Variants in UTS2B observed in about 807,000 individuals in gnomAD.
UTS2B encodes urotensin-2B.
UTS2B carries 21 observed loss-of-function variants against 19.2 expected under a neutral mutation model. That is an observed-to-expected ratio of 1.09 (90% CI 0.78 to 1.58). The LOEUF is 1.58. UTS2B is among the 40% of genes most tolerant of loss of function. The pLI, the probability that UTS2B is intolerant of heterozygous loss-of-function variation, is 0.00. For synonymous variants in UTS2B, 57 were observed against 50.2 expected (o/e 1.14, Z -0.58); for missense variants, 138 against 130.3 (o/e 1.06, Z -0.29).
chr3:191,341,742 C>T, the UTS2B span, among the ~76,000 whole-genome samples: 1 of 152,184 alleles, frequency 6.6e-6, no homozygotes, highest in African/African-American at 2.4e-5. Context: ...TTACCCCACT[C>T]TTGTGAAACT....
In UTS2B at chr3:191,318,888, T is replaced by A. The variant is rs189482313; in HGVS notation, c.-585-2449A>T. Among the ~76,000 whole-genome samples the A allele has an allele frequency of 6.6e-5, 10 of 152,348 alleles. No homozygotes were observed. In the East Asian group the frequency reaches 1.5e-3, roughly 23 times the overall value. On this transcript the variant is annotated intron_variant, in intron 2 of 8. Transcript: ENST00000340524. ...TGCAAATCACATGATCTTAGTAATA[T>A]TTGTAAATTTTATATGTATTAATCA...
chr3:191,278,065 A>T lies in UTS2B; in HGVS notation c.202+7T>A. ...ATAAATAGAGCTTGACTTTATGTTTAACTCACCAGTGTTGAAAGGTCTTTG... is the reference window on the plus strand; with the variant it reads ...ATAAATAGAGCTTGACTTTATGTTTTACTCACCAGTGTTGAAAGGTCTTTG... On this transcript the variant is annotated splice_region_variant and intron_variant, in intron 6 of 8. Coordinates refer to ENST00000340524, the MANE Select transcript of UTS2B (RefSeq NM_198152.5). 1 of 1,454,244 alleles carries T rather than the reference A, an allele frequency of 6.9e-7. No individual in the cohort carries two copies. Among genetic ancestry groups the T allele is most frequent in the Non-Finnish European group, 9.3e-7 (1 of 1,077,722 alleles). 90.1% of individuals were successfully genotyped at this position (1,454,244 alleles called of 1,614,324 possible).
At chr3:191,272,955 A>G (rs532177266) in intron 8 of UTS2B, among the ~76,000 whole-genome samples, 287 of 151,984 alleles carry the variant, frequency 1.9e-3, no homozygotes, top group African/African-American at 6.6e-3. Context: ...ACCTGAGGTC[A>G]GGAGTTTGAA....
chr3:191,295,448 T>C (rs1337817894), intron 4 of UTS2B, among the ~76,000 whole-genome samples: 1 of 152,048 alleles, frequency 6.6e-6, no homozygotes, highest in Non-Finnish European at 1.5e-5. Flanking sequence ...GCATTTCCTC[T>C]TTCTCTGACC....
intron 4 of UTS2B, among the ~76,000 whole-genome samples, chr3:191,289,458 C>T (rs55661359): frequency 0.61 from 88,864 of 145,978 alleles, 26,978 homozygotes; most frequent in Middle Eastern, 0.67. Context: ...AAAAAACAAA[C>T]GAAATTAATA....
intron 4 of UTS2B, among the ~76,000 whole-genome samples, chr3:191,290,369 G>A (rs1393152333): frequency 6.6e-6 from 1 of 152,134 alleles, no homozygotes; most frequent in African/African-American, 2.4e-5. Context: ...CATTTATTGA[G>A]CAATCATCAC....
At chr3:191,291,397 T>C (rs1158473377) in intron 4 of UTS2B, among the ~76,000 whole-genome samples, 1 of 152,208 alleles carries the variant, frequency 6.6e-6, no homozygotes, top group African/African-American at 2.4e-5. Flanking sequence ...CAAAGATTTA[T>C]GCCTATATTA....
chr3:191,279,714 C>A (rs915566231), intron 5 of UTS2B, among the ~76,000 whole-genome samples: 25 of 151,974 alleles, frequency 1.6e-4, no homozygotes, highest in Non-Finnish European at 3.1e-4. Flanking sequence ...ACCTCCATAA[C>A]TCTTTGTCCT....
intron 5 of UTS2B, among the ~76,000 whole-genome samples, chr3:191,281,559 G>GT (rs1560134455): frequency 6.6e-6 from 1 of 151,384 alleles, no homozygotes; most frequent in Non-Finnish European, 1.5e-5. Context: ...TGTAATGTAG[G>GT]TGTTAGCATT....
rs1716653235 is a variant in UTS2B at position 191,289,447 on chromosome 3, TAAAAAACAAAC to T, written c.-124-7145_-124-7135del. Among the ~76,000 whole-genome samples, 67 of 144,666 alleles carry T rather than the reference TAAAAAACAAAC, an allele frequency of 4.6e-4. 1 individual carries two copies. The highest frequency in any genetic ancestry group is 2.0e-3 in the South Asian group (9 of 4,498). The allele number at this position is 144,666 out of a possible 152,430, so 94.9% of individuals were successfully genotyped here. The stretch of plus-strand genomic sequence containing the variant: ...ATAAATAAATAAATAAATAAATAAA[TAAAAAACAAAC>T]GAAATTAATATGTTCAGTGCTCTAA... On this transcript the variant is annotated intron_variant, in intron 4 of 8. Transcript: ENST00000340524.
chr3:191,343,122 C>T, the UTS2B span, among the ~76,000 whole-genome samples: 3 of 152,064 alleles, frequency 2.0e-5, no homozygotes, highest in Non-Finnish European at 4.4e-5. Flanking sequence ...ACCTGAGTTC[C>T]GCAGGGCCAA....
At chr3:191,318,933 T>C (rs906440719) in intron 2 of UTS2B, among the ~76,000 whole-genome samples, 1 of 152,238 alleles carries the variant, frequency 6.6e-6, no homozygotes, top group Non-Finnish European at 1.5e-5. Context: ...TTGTATTCAT[T>C]TAAAAATTCA....
chr3:191,308,021 G>T (rs1400448544), intron 3 of UTS2B, among the ~76,000 whole-genome samples: 1 of 151,894 alleles, frequency 6.6e-6, no homozygotes, highest in Non-Finnish European at 1.5e-5. Context: ...TTTTTAGTAA[G>T]GGCGGGGTTT....
intron 4 of UTS2B, among the ~76,000 whole-genome samples, chr3:191,288,805 A>G (rs1217000429): frequency 6.6e-6 from 1 of 152,324 alleles, no homozygotes; most frequent in East Asian, 1.9e-4. Flanking sequence ...TAGATTAAAG[A>G]CTTAAGACTG....
intron 2 of UTS2B, among the ~76,000 whole-genome samples, chr3:191,317,226 C>T (rs527489950): frequency 2.0e-5 from 3 of 152,230 alleles, no homozygotes; most frequent in Non-Finnish European, 2.9e-5. Flanking sequence ...GCACTCTCCT[C>T]AGCTGCTGGC....
In UTS2B at chr3:191,268,343, G is replaced by C. The variant is rs993979783; in HGVS notation, c.*73C>G. On this transcript the variant is annotated 3_prime_UTR_variant, in exon 9 of 9. Transcript: ENST00000340524. ...CCACAGCAATAGTTTCAGGGGGTCT[G>C]CCTACAGCAGAGTGAGTAGATACAT... 8.7e-7 allele frequency: 1 copy of C among 1,154,656 alleles called. No homozygotes were observed. Among genetic ancestry groups the C allele is most frequent in the East Asian group, 2.5e-5 (1 of 39,402 alleles). The allele number at this position is 1,154,656 out of a possible 1,614,324, so 71.5% of individuals were successfully genotyped here. A position where few individuals can be genotyped will look rare whatever the true frequency, so the allele number is the denominator to read the frequency against.
chr3:191,323,950 C>T (rs1285487801), intron 2 of UTS2B, among the ~76,000 whole-genome samples: 2 of 152,062 alleles, frequency 1.3e-5, no homozygotes, highest in Admixed American at 6.6e-5. Flanking sequence ...GAGGAGTTGG[C>T]GGAGATGGTG....
upstream of UTS2B, among the ~76,000 whole-genome samples, chr3:191,335,364 CT>C (rs1237061324): frequency 6.6e-6 from 1 of 152,148 alleles, no homozygotes; most frequent in Admixed American, 6.5e-5. Flanking sequence ...ATGTTTTTAA[CT>C]GGTGACTCGT....
At chr3:191,329,941 T>TGG (rs201807267) in intron 1 of UTS2B, among the ~76,000 whole-genome samples, 159 of 5,340 alleles carry the variant, frequency 0.03, 2 homozygotes, top group South Asian at 0.1. Context: ...AAGGGGGTGG[T>TGG]TGGGGGGGGG....
Sources: gnomAD v4.1 joint callset for allele counts (sites outside exome capture counted in the v4.1 genomes callset) on GRCh38, gnomAD v4.1.1 for gene constraint, MANE v1.5 for transcripts, NCBI Gene and HGNC (gene_info 2026-07-23, HGNC 2026-07-21) for gene names.